Variants in ATP10A observed in about 807,000 individuals in gnomAD.
ATP10A encodes ATPase phospholipid transporting 10A (putative).
ATP10A carries 111 observed loss-of-function variants against 147.8 expected under a neutral mutation model. That is an observed-to-expected ratio of 0.75 (90% CI 0.64 to 0.88). The LOEUF is 0.88. Among genes scored for constraint, ATP10A ranks in the 40% least tolerant of loss-of-function variants. ATP10A has a pLI of 0.00. For missense variants in ATP10A, 1,927 were observed against 1,959.0 expected (o/e 0.98, Z 0.31); for synonymous variants, 875 against 841.6 (o/e 1.04, Z -0.69).
At chr15:25,715,625 A>G (rs1901751534) in intron 9 of ATP10A, among the ~76,000 whole-genome samples, 1 of 152,266 alleles carries the variant, frequency 6.6e-6, no homozygotes, top group Admixed American at 6.5e-5. Flanking sequence ...GATGAACTGC[A>G]GCTTCGGGAA....
rs767416565 is a variant in ATP10A, at chr15:25,714,005, G to T, written c.2013C>A (p.Ser671Arg). 6.2e-7 allele frequency: 1 copy of T among 1,610,128 alleles called. No homozygotes were observed. The highest frequency in any genetic ancestry group is 8.5e-7 in the Non-Finnish European group (1 of 1,179,914). The change falls in exon 10 of 21, where the codon AGC becomes AGA. Residue 671 changes from serine (S) to arginine (R), a missense_variant. Ser to Arg is a moderately radical substitution (Grantham distance 110). Coordinates refer to ENST00000555815, the MANE Select transcript of ATP10A (RefSeq NM_024490.4). Reference sequence around the variant, plus strand: ...CCGAGGCCCAGTTGTCCGCCTGGCTGCTGTAGCCGTTGCTGGCGATGGCCG... The same window carrying T: ...CCGAGGCCCAGTTGTCCGCCTGGCTTCTGTAGCCGTTGCTGGCGATGGCCG... Reference protein sequence around the residue: ...PTSAIASNGYSSQADNWASEL... With the variant: ...PTSAIASNGYRSQADNWASEL...
Position 25,736,290 on chromosome 15 carries a change from C to T in ATP10A, c.655-149G>A, listed in dbSNP as rs1197260238. ...GAATCTCTCTGGAAAGCCAAAGCAA[C>T]GCCTTCTCCACTGTATAATAAATAA... On this transcript the variant is annotated intron_variant, in intron 2 of 20. Coordinates refer to ENST00000555815, the MANE Select transcript of ATP10A (RefSeq NM_024490.4). 3.5e-5 allele frequency: 23 copies of T among 660,798 alleles called. 1 individual carries two copies. The highest frequency in any genetic ancestry group is 2.3e-4 in the South Asian group (14 of 60,304). 40.9% of individuals were successfully genotyped at this position (660,798 alleles called of 1,614,324 possible).
At chr15:25,815,459 T>A (rs1239405062) in intron 1 of ATP10A, among the ~76,000 whole-genome samples, 2 of 15,548 alleles carry the variant, frequency 1.3e-4, no homozygotes, top group East Asian at 4.9e-3. Flanking sequence ...AAAAATAGCA[T>A]CTATACAGTG....
chr15:25,695,811 C>T (rs1389683314), intron 13 of ATP10A, among the ~76,000 whole-genome samples: 1 of 152,080 alleles, frequency 6.6e-6, no homozygotes, highest in East Asian at 1.9e-4. Flanking sequence ...GAGGCCCTTA[C>T]CTAACCCCCC....
intron 15 of ATP10A, among the ~76,000 whole-genome samples, chr15:25,691,413 G>A (rs944552456): frequency 1.3e-5 from 2 of 152,182 alleles, no homozygotes; most frequent in Admixed American, 6.5e-5. Flanking sequence ...CCGAGCCATC[G>A]AAAGCCAGAC....
At chr15:25,681,483 A>C (rs1347630680) in intron 17 of ATP10A, among the ~76,000 whole-genome samples, 1 of 152,152 alleles carries the variant, frequency 6.6e-6, no homozygotes, top group Non-Finnish European at 1.5e-5. Context: ...GCAGTGCCCT[A>C]TTCCCGAATA....
At chr15:25,734,458 A>G (rs1447025901) in intron 3 of ATP10A, among the ~76,000 whole-genome samples, 1 of 152,146 alleles carries the variant, frequency 6.6e-6, no homozygotes, top group African/African-American at 2.4e-5. Context: ...TTTCAGGTCA[A>G]GATGTCTAGC....
At chr15:25,742,457 G>T (rs1337847324) in intron 2 of ATP10A, among the ~76,000 whole-genome samples, 1 of 152,200 alleles carries the variant, frequency 6.6e-6, no homozygotes, top group Non-Finnish European at 1.5e-5. Flanking sequence ...AGTTTAGAAC[G>T]CAGGCGCCAG....
At chr15:25,728,677 T>C (rs1353888135) in intron 3 of ATP10A, among the ~76,000 whole-genome samples, 2 of 152,228 alleles carry the variant, frequency 1.3e-5, no homozygotes, top group African/African-American at 4.8e-5. Context: ...AGGTTATGCT[T>C]ATTAAGGACA....
chr15:25,837,867 AAGACGGGTGGGG>A (rs1322151130), intron 1 of ATP10A, among the ~76,000 whole-genome samples: 3 of 152,080 alleles, frequency 2.0e-5, no homozygotes, highest in Non-Finnish European at 4.4e-5. Context: ...GGCAGTGGGG[AAGACGGGTGGGG>A]AGGGGGAACT....
intron 5 of ATP10A, 46 bp downstream of exon 5, chr15:25,725,905 A>C: frequency 6.4e-7 from 1 of 1,569,698 alleles, no homozygotes; most frequent in Non-Finnish European, 8.7e-7. Flanking sequence ...GGCACGAGCC[A>C]CTGCGCCTGG....
chr15:25,842,160 G>GT (rs1892836126), intron 1 of ATP10A, among the ~76,000 whole-genome samples: 2 of 152,218 alleles, frequency 1.3e-5, no homozygotes. Context: ...CTGTCCACTG[G>GT]TGGCTTGGGT....
At chr15:25,672,907 G>A (rs1404088472), downstream of ATP10A, among the ~76,000 whole-genome samples, 1 of 152,170 alleles carries the variant, frequency 6.6e-6, no homozygotes, top group Non-Finnish European at 1.5e-5. Context: ...AGGGCAAGAC[G>A]AGGTGTGCGG....
chr15:25,760,721 A>T (rs1441596147), intron 2 of ATP10A, among the ~76,000 whole-genome samples: 1 of 152,196 alleles, frequency 6.6e-6, no homozygotes, highest in African/African-American at 2.4e-5. Context: ...TGGCTCATGA[A>T]TGTAATGTCA....
At chr15:25,689,136 C>A (rs558189590) in intron 15 of ATP10A, among the ~76,000 whole-genome samples, 54 of 152,382 alleles carry the variant, frequency 3.5e-4, no homozygotes, top group African/African-American at 1.3e-3. Context: ...TCTGAGGACG[C>A]CTGGCTTGCC....
chr15:25,683,680 G>A (rs1339549442), intron 16 of ATP10A, 194 bp from the exon 17 acceptor site: 23 of 598,768 alleles, frequency 3.8e-5, no homozygotes, highest in East Asian at 1.1e-4. Flanking sequence ...CTTTCCCTTC[G>A]CCCTCCTCAC....
In ATP10A at chr15:25,855,541, A is replaced by AACACACACACACAC. The variant is rs59597825; in HGVS notation, c.449+7093_449+7106dup. On this transcript the variant is annotated intron_variant, in intron 1 of 20. Transcript: ENST00000555815. ...AGCTTGAAATCTCAGTATTGGTTAA[A>AACACACACACACAC]ACACACACACACACACACACACACA... 5.6e-3 allele frequency among the ~76,000 whole-genome samples: 817 copies of AACACACACACACAC among 146,078 alleles called. 13 individuals are homozygous for AACACACACACACAC. Among genetic ancestry groups the AACACACACACACAC allele is most frequent in the African/African-American group, 0.019 (752 of 39,624 alleles).
Position 25,679,384 on chromosome 15 carries a change from T to C in ATP10A, c.4457A>G (p.Asp1486Gly), listed in dbSNP as rs1403854468. 2.5e-6 allele frequency: 4 copies of C among 1,606,606 alleles called. No individual in the cohort carries two copies. The highest frequency in any genetic ancestry group is 3.4e-6 in the Non-Finnish European group (4 of 1,173,954). ...AGATGCTCCTATAAGTAGTCTGTGG[T>C]CTGGCCCTTGAAGTCCTGATCGGCC... Reference protein sequence around the residue: ...HSGRSGLQGPDHRLLIGASSR... With the variant: ...HSGRSGLQGPGHRLLIGASSR... Residue 1486 changes from aspartate to glycine, a missense_variant, in exon 21 of 21, where the codon GAC becomes GGC. By Grantham distance (94) the Asp-to-Gly change is moderately conservative. Transcript: ENST00000555815.
downstream of ATP10A, among the ~76,000 whole-genome samples, chr15:25,673,668 G>C (rs572030062): frequency 1.1e-3 from 166 of 152,342 alleles, no homozygotes; most frequent in African/African-American, 3.8e-3. Context: ...AGAAGGCCTT[G>C]CATGCCCTTT....
Sources: gnomAD v4.1 joint callset for allele counts (sites outside exome capture counted in the v4.1 genomes callset) on GRCh38, gnomAD v4.1.1 for gene constraint, MANE v1.5 for transcripts, NCBI Gene and HGNC (gene_info 2026-07-23, HGNC 2026-07-21) for gene names.